The following PTPRD variants were observed in gnomAD, a reference collection of about 807,000 sequenced individuals.
The protein encoded by PTPRD is receptor-type tyrosine-protein phosphatase delta.
In PTPRD, 34 loss-of-function variants were observed where a neutral mutation model predicts 214.5. The ratio of observed to expected loss-of-function variants is 0.16; its 90% CI spans 0.12 to 0.21. PTPRD has a LOEUF of 0.21. Ranked by LOEUF, PTPRD falls within the 10% of genes least tolerant of loss-of-function variation. The pLI, the probability that PTPRD is intolerant of heterozygous loss-of-function variation, is 1.00. For synonymous variants in PTPRD, 1,128 were observed against 845.7 expected (o/e 1.33, Z -5.79); for missense variants, 2,545 against 2,398.7 (o/e 1.06, Z -1.27).
intron 5 of PTPRD, among the ~76,000 whole-genome samples, chr9:9,919,518 A>C (rs1046370909): frequency 1.3e-5 from 2 of 152,154 alleles, no homozygotes; most frequent in Non-Finnish European, 2.9e-5. Context: ...AATTATTCAA[A>C]TGAAGTACAC....
intron 2 of PTPRD, among the ~76,000 whole-genome samples, chr9:10,523,629 AAAGAAAGG>A (rs1324698763): frequency 9.1e-5 from 11 of 121,076 alleles, no homozygotes; most frequent in African/African-American, 1.9e-4. Flanking sequence ...ATATAGACAG[AAAGAAAGG>A]GAGAGAGAGA....
At chr9:8,439,393 G>A (rs778379910) in intron 34 of PTPRD, among the ~76,000 whole-genome samples, 1 of 152,194 alleles carries the variant, frequency 6.6e-6, no homozygotes, top group Non-Finnish European at 1.5e-5. Flanking sequence ...ACAGAGAAGG[G>A]TCTATTGGTG....
At chr9:9,420,483 T>C (rs2078370829) in intron 8 of PTPRD, among the ~76,000 whole-genome samples, 1 of 151,914 alleles carries the variant, frequency 6.6e-6, no homozygotes, top group African/African-American at 2.4e-5. Flanking sequence ...TGCCATTATA[T>C]TTTAAAATAC....
intron 2 of PTPRD, among the ~76,000 whole-genome samples, chr9:10,575,468 A>G (rs945268767): frequency 4.6e-5 from 7 of 152,118 alleles, no homozygotes; most frequent in African/African-American, 1.4e-4. Flanking sequence ...CAGTTGCAAA[A>G]CACCAGTGTC....
intron 9 of PTPRD, among the ~76,000 whole-genome samples, chr9:9,321,722 A>G (rs927205806): frequency 3.9e-5 from 6 of 152,176 alleles, no homozygotes; most frequent in Non-Finnish European, 7.3e-5. Flanking sequence ...TAACATTAGC[A>G]AAGTTATTTA....
At chr9:9,984,790 G>A (rs1423105638) in intron 4 of PTPRD, among the ~76,000 whole-genome samples, 1 of 152,044 alleles carries the variant, frequency 6.6e-6, no homozygotes, top group Non-Finnish European at 1.5e-5. Context: ...GTCTCTCGGA[G>A]GCCTGGAATA....
At chr9:8,873,436 G>C (rs1334223221) in intron 11 of PTPRD, among the ~76,000 whole-genome samples, 2 of 152,116 alleles carry the variant, frequency 1.3e-5, no homozygotes, top group Non-Finnish European at 2.9e-5. Context: ...GGATTGAAGA[G>C]GATTGATTTC....
intron 8 of PTPRD, among the ~76,000 whole-genome samples, chr9:9,555,154 T>C (rs2081218120): frequency 6.6e-6 from 1 of 152,206 alleles, no homozygotes; most frequent in Admixed American, 6.5e-5. Context: ...ACTGCCAACA[T>C]GTATGTATTA....
At chr9:8,574,678 T>C (rs1407772671) in intron 14 of PTPRD, among the ~76,000 whole-genome samples, 2 of 152,036 alleles carry the variant, frequency 1.3e-5, no homozygotes, top group Non-Finnish European at 2.9e-5. Flanking sequence ...TAGTTTCCTG[T>C]GGGTTCTTTT....
At chr9:9,085,570 C>T (rs543751896) in intron 10 of PTPRD, among the ~76,000 whole-genome samples, 4 of 151,594 alleles carry the variant, frequency 2.6e-5, no homozygotes, top group Non-Finnish European at 4.4e-5. Context: ...TATAAATAGA[C>T]AAATAAATGG....
chr9:8,462,480 A>G (rs2096439988), intron 32 of PTPRD, among the ~76,000 whole-genome samples: 1 of 151,974 alleles, frequency 6.6e-6, no homozygotes, highest in African/African-American at 2.4e-5. Context: ...TTGATTCCCA[A>G]ATAAAACGTA....
intron 3 of PTPRD, among the ~76,000 whole-genome samples, chr9:10,050,865 TCTAA>T (rs1019205172): frequency 5.3e-5 from 8 of 152,064 alleles, no homozygotes; most frequent in African/African-American, 1.9e-4. Flanking sequence ...TAATTCTCTA[TCTAA>T]CTATCTATTA....
At chr9:10,030,469 T>C (rs1275724039) in intron 4 of PTPRD, among the ~76,000 whole-genome samples, 2 of 152,136 alleles carry the variant, frequency 1.3e-5, no homozygotes, top group Non-Finnish European at 2.9e-5. Context: ...TTGGTTTGAG[T>C]ATCACGAGAT....
chr9:9,450,665 A>C (rs1026273502), intron 8 of PTPRD, among the ~76,000 whole-genome samples: 6 of 151,806 alleles, frequency 4.0e-5, no homozygotes, highest in African/African-American at 1.5e-4. Context: ...AATGTTTCCT[A>C]GAATTTTGTT....
intron 3 of PTPRD, among the ~76,000 whole-genome samples, chr9:10,202,232 T>A (rs1348522488): frequency 6.6e-6 from 1 of 152,060 alleles, no homozygotes; most frequent in Admixed American, 6.6e-5. Context: ...AAAGAGAGTT[T>A]GGGCTTATTA....
intron 8 of PTPRD, among the ~76,000 whole-genome samples, chr9:9,437,461 G>C (rs1000604657): frequency 6.6e-6 from 1 of 151,896 alleles, no homozygotes; most frequent in Non-Finnish European, 1.5e-5. Context: ...TTATGCCCAT[G>C]TCAAAGGGTC....
At chr9:9,094,119 G>T (rs898166750) in intron 10 of PTPRD, among the ~76,000 whole-genome samples, 1 of 152,108 alleles carries the variant, frequency 6.6e-6, no homozygotes, top group African/African-American at 2.4e-5. Context: ...AAGTGGAAAT[G>T]GTCACCTGAA....
At position 9,090,007 on chromosome 9, in the gene PTPRD, A is replaced by G. The variant is rs75430654; in HGVS notation, c.-142-71272T>C. Among the ~76,000 whole-genome samples, 296 of 152,316 alleles carry G rather than the reference A, an allele frequency of 1.9e-3. 12 individuals are homozygous for G. In the East Asian group the frequency reaches 0.042, roughly 21 times the overall value. On this transcript the variant is annotated intron_variant, in intron 10 of 45. Coordinates refer to ENST00000381196, the MANE Select transcript of PTPRD (RefSeq NM_002839.4). ...ATTTTGATACATGCATACATGTGTA[A>G]TGATCAAATTCAGGTATTTATGATA...
intron 10 of PTPRD, among the ~76,000 whole-genome samples, chr9:9,033,737 T>C (rs1184029200): frequency 6.6e-6 from 1 of 152,098 alleles, no homozygotes; most frequent in East Asian, 1.9e-4. Context: ...TGGGTTTAGT[T>C]ACTTGCCCAG....
Sources: allele counts gnomAD v4.1 joint callset (sites outside exome capture counted in the v4.1 genomes callset), GRCh38; gene constraint gnomAD v4.1.1; transcripts MANE v1.5; gene names NCBI Gene and HGNC (gene_info 2026-07-23, HGNC 2026-07-21).